RBM24: variants seen among roughly 807,000 people sequenced by gnomAD.
The protein encoded by RBM24 is RNA-binding protein 24.
A neutral mutation model predicts 23.6 loss-of-function variants in RBM24; 5 were observed. The observed-to-expected ratio is 0.21, with a 90% CI of 0.11 to 0.45. The LOEUF (loss-of-function observed/expected upper bound fraction) is 0.45, where lower values mean the gene tolerates loss of function less well. RBM24 is among the 20% of genes least tolerant of loss of function. RBM24 has a pLI of 0.99. For synonymous variants in RBM24, 151 were observed against 129.5 expected (o/e 1.17, Z -1.13); for missense variants, 252 against 314.6 (o/e 0.80, Z 1.51).
intron 1 of RBM24, chr6:17,282,062 G>T: frequency 4.7e-6 from 6 of 1,265,680 alleles, no homozygotes; most frequent in Non-Finnish European, 6.0e-6. Context: ...CCGCAACCCT[G>T]AACAATTGCA....
intron 3 of RBM24, chr6:17,288,067 G>A (rs1760249929): frequency 6.4e-6 from 1 of 157,418 alleles, no homozygotes; most frequent in Non-Finnish European, 1.4e-5. Flanking sequence ...GTTTGTTGAA[G>A]GCATTGTTAA....
In RBM24 at chr6:17,281,799, C is replaced by T. The variant is rs1020122886; in HGVS notation, c.168+50C>T. ...CGGGGAGGGACGGAGTGGCGGCTGA[C>T]CCCGGGGATCGGGAGCTTGGAGTGA... On this transcript the variant is annotated intron_variant, in intron 1 of 3. Transcript: ENST00000379052. The surrounding 1 kb of genome is among the most constrained non-coding windows in gnomAD (Gnocchi z 7.1). The T allele has an allele frequency of 6.5e-7, 1 of 1,537,494 alleles. No individual in the cohort carries two copies. Among genetic ancestry groups the T allele is most frequent in the African/African-American group, 1.4e-5 (1 of 72,088 alleles).
chr6:17,282,068 T>C (rs1480256481), intron 1 of RBM24: 10 of 1,252,986 alleles, frequency 8.0e-6, no homozygotes, highest in Non-Finnish European at 1.0e-5. Flanking sequence ...CCCTGAACAA[T>C]TGCATTCCCG....
rs924518571 is a variant in RBM24, at chr6:17,281,974, G to T, written c.168+225G>T. The T allele has an allele frequency of 9.4e-6, 13 of 1,376,018 alleles. No individual in the cohort carries two copies. Among genetic ancestry groups the T allele is most frequent in the Non-Finnish European group, 1.1e-5 (12 of 1,055,988 alleles). 85.2% of individuals were successfully genotyped at this position (1,376,018 alleles called of 1,614,324 possible). Reference sequence around the variant, plus strand: ...CAGCGCTGTGCGAGGTCGGGGGCCGGGCAGGGCAGAGCAGGGGTGAAAGGA... The same window carrying T: ...CAGCGCTGTGCGAGGTCGGGGGCCGTGCAGGGCAGAGCAGGGGTGAAAGGA... On this transcript the variant is annotated intron_variant, in intron 1 of 3. Coordinates refer to ENST00000379052, the MANE Select transcript of RBM24 (RefSeq NM_001143942.2). This position sits in a 1 kb window ranked among gnomAD's most constrained non-coding sequence, Gnocchi z 7.1.
chr6:17,282,160 C>A, intron 1 of RBM24: 1 of 1,247,390 alleles, frequency 8.0e-7, no homozygotes, highest in Non-Finnish European at 1.0e-6. Flanking sequence ...AGGGAGGGGA[C>A]ACCCCACGAG....
At position 17,281,878 on chromosome 6, in the gene RBM24, C is replaced by T. The variant is rs1297240679; in HGVS notation, c.168+129C>T. ...CGCGGGTAGAGCGGCGCTGCCCCTT[C>T]GCTCCGGGGTGAACTGAAACTTTGC... On this transcript the variant is annotated intron_variant, in intron 1 of 3. Transcript: ENST00000379052. The surrounding 1 kb of genome is among the most constrained non-coding windows in gnomAD (Gnocchi z 7.1). The T allele has an allele frequency of 7.3e-7, 1 of 1,368,170 alleles. No homozygotes were observed. Among genetic ancestry groups the T allele is most frequent in the African/African-American group, 1.5e-5 (1 of 67,464 alleles). 84.8% of individuals were successfully genotyped at this position (1,368,170 alleles called of 1,614,324 possible).
In RBM24 at chr6:17,290,033, C is replaced by T. The variant is rs1380824263; in HGVS notation, c.348-1723C>T. The T allele has an allele frequency of 1.3e-5, 17 of 1,289,346 alleles. 1 individual carries two copies. The East Asian group carries it at 2.8e-4, about 21-fold the overall frequency. 79.9% of individuals were successfully genotyped at this position (1,289,346 alleles called of 1,614,324 possible). ...TGTCCTCAGAAACACTTGATGACGT[C>T]GTTTCTCCTGGCACTGGGAAACATC... On this transcript the variant is annotated intron_variant, in intron 3 of 3. Coordinates refer to ENST00000379052, the MANE Select transcript of RBM24 (RefSeq NM_001143942.2).
Position 17,292,023 on chromosome 6 carries a change from A to C in RBM24, c.615A>C (p.Ala205=), listed in dbSNP as rs1173013115. The C allele has an allele frequency of 1.2e-6, 2 of 1,602,304 alleles. No homozygotes were observed. The highest frequency in any genetic ancestry group is 3.3e-4 in the Middle Eastern group (2 of 6,054). ...TCCAGCAGCCAATCACCGCAGCGGC[A>C]CCTGGGACAGCTGCCGCCGCCGCTG... ...YAVQQPITAA[A]PGTAAAAAAA... Residue 205 remains alanine (A), a synonymous_variant, in exon 4 of 4, where the codon GCA becomes GCC. Coordinates refer to ENST00000379052, the MANE Select transcript of RBM24 (RefSeq NM_001143942.2).
In RBM24 at chr6:17,281,417, C is replaced by G; in HGVS notation, c.-165C>G. On this transcript the variant is annotated 5_prime_UTR_variant, in exon 1 of 4. Transcript: ENST00000379052. This position sits in a 1 kb window ranked among gnomAD's most constrained non-coding sequence, Gnocchi z 7.1. ...CCGCGCGCCCGGCGCTCTCGGCCGCCCCCGGCCGCTCGCCCCCGCCGCGCC... is the reference window on the plus strand; with the variant it reads ...CCGCGCGCCCGGCGCTCTCGGCCGCGCCCGGCCGCTCGCCCCCGCCGCGCC... The G allele has an allele frequency of 3.9e-6, 1 of 257,148 alleles. No individual in the cohort carries two copies. The highest frequency in any genetic ancestry group is 6.0e-6 in the Non-Finnish European group (1 of 165,394). The allele number at this position is 257,148 out of a possible 1,614,324, so 15.9% of individuals were successfully genotyped here.
intron 3 of RBM24, chr6:17,288,329 A>C (rs959789662): frequency 9.1e-6 from 9 of 985,438 alleles, no homozygotes; most frequent in Non-Finnish European, 1.1e-5. Flanking sequence ...ACATCAGGAC[A>C]ATGAGTGGGA....
In RBM24 at chr6:17,292,051, G is replaced by A. The variant is rs2113414362; in HGVS notation, c.643G>A (p.Ala215Thr). Residue 215 changes from alanine (A) to threonine (T), a missense_variant, in exon 4 of 4, where the codon GCA becomes ACA. Ala to Thr is a moderately conservative substitution (Grantham distance 58, BLOSUM62 0). Transcript: ENST00000379052. The stretch of plus-strand genomic sequence containing the variant: ...TGGGACAGCTGCCGCCGCCGCTGCA[G>A]CAGCTGCTGCCGCTGCAGCATTTGG... Reference protein sequence around the residue: ...APGTAAAAAAAAAAAAAFGQY... With the variant: ...APGTAAAAAATAAAAAAFGQY... 17 of 1,594,584 alleles carry A rather than the reference G, an allele frequency of 1.1e-5. No individual in the cohort carries two copies. The highest frequency in any genetic ancestry group is 1.4e-5 in the Non-Finnish European group (17 of 1,175,202).
intron 3 of RBM24, among the ~76,000 whole-genome samples, chr6:17,285,328 C>G (rs1254582977): frequency 1.3e-5 from 2 of 151,976 alleles, no homozygotes; most frequent in Non-Finnish European, 2.9e-5. Flanking sequence ...AAAGTGTTTT[C>G]TTTTCCTCGG....
At chr6:17,288,735 C>G in intron 3 of RBM24, 1 of 976,158 alleles carries the variant, frequency 1.0e-6, no homozygotes, top group Non-Finnish European at 1.2e-6. Flanking sequence ...TGAAGCTTGT[C>G]CAGGAAACAT....
At position 17,292,258 on chromosome 6, in the gene RBM24, ATT is replaced by A; in HGVS notation, c.*146_*147del. On this transcript the variant is annotated 3_prime_UTR_variant, in exon 4 of 4. Transcript: ENST00000379052. ...CATGCTATTGTGAAGCAGAGTTATT[ATT>A]TTTTTTATACTCCAGGTAGTGTTCT... The A allele has an allele frequency of 2.5e-6, 2 of 796,172 alleles. No individual in the cohort carries two copies. The highest frequency in any genetic ancestry group is 1.7e-5 in the African/African-American group (1 of 57,854). 49.3% of individuals were successfully genotyped at this position (796,172 alleles called of 1,614,324 possible). A position where few individuals can be genotyped will look rare whatever the true frequency, so the allele number is the denominator to read the frequency against.
chr6:17,285,153 A>C (rs1415344398), intron 3 of RBM24: 1 of 153,312 alleles, frequency 6.5e-6, no homozygotes, highest in African/African-American at 2.4e-5. Context: ...ACTCAGACAC[A>C]CAAGCTCAGA....
intron 3 of RBM24, among the ~76,000 whole-genome samples, chr6:17,286,650 A>T (rs1760208101): frequency 6.6e-6 from 1 of 152,194 alleles, no homozygotes; most frequent in Admixed American, 6.5e-5. Flanking sequence ...AAATAGATGA[A>T]GTGGAGGAGT....
rs1760017162 is a variant in RBM24 at position 17,281,658 on chromosome 6, G to T, written c.77G>T (p.Ser26Ile). Residue 26 changes from serine to isoleucine, a missense_variant, in exon 1 of 4, where the codon AGC (serine) becomes ATC (isoleucine). Coordinates refer to ENST00000379052, the MANE Select transcript of RBM24 (RefSeq NM_001143942.2). The surrounding 1 kb of genome is among the most constrained non-coding windows in gnomAD (Gnocchi z 7.1). ...CTGCCCTACCACACCACCGACGCCAGCCTGCGCAAGTACTTCGAGGTCTTC... is the reference window on the plus strand; with the variant it reads ...CTGCCCTACCACACCACCGACGCCATCCTGCGCAAGTACTTCGAGGTCTTC... ...GGLPYHTTDA[S>I]LRKYFEVFGE... is the part of the protein sequence containing the mutation. 6.4e-7 allele frequency: 1 copy of T among 1,550,840 alleles called. No homozygotes were observed. Among genetic ancestry groups the T allele is most frequent in the South Asian group, 1.2e-5 (1 of 84,052 alleles).
chr6:17,290,129 A>C, intron 3 of RBM24: 2 of 1,266,536 alleles, frequency 1.6e-6, no homozygotes, highest in Non-Finnish European at 2.1e-6. Flanking sequence ...AGATAAATTC[A>C]TCTTTTCCAT....
chr6:17,282,883 G>A lies in RBM24; in HGVS notation c.247G>A (p.Val83Met). 1.2e-6 allele frequency: 2 copies of A among 1,614,142 alleles called. No individual in the cohort carries two copies. Among genetic ancestry groups the A allele is most frequent in the South Asian group, 1.1e-5 (1 of 91,074 alleles). ...CATCATTGATGGCAGAAAGGCCAACGTGAACCTGGCATACTTAGGAGCAAA... is the reference window on the plus strand; with the variant it reads ...CATCATTGATGGCAGAAAGGCCAACATGAACCTGGCATACTTAGGAGCAAA... ...NPIIDGRKAN[V>M]NLAYLGAKPR... Residue 83 changes from valine (V) to methionine (M), a missense_variant, in exon 2 of 4, where the codon GTG (valine) becomes ATG (methionine). Physicochemically the swap from Val to Met is conservative, Grantham distance 21. Coordinates refer to ENST00000379052, the MANE Select transcript of RBM24 (RefSeq NM_001143942.2).
Sources: allele counts gnomAD v4.1 joint callset (sites outside exome capture counted in the v4.1 genomes callset), GRCh38; gene constraint gnomAD v4.1.1; non-coding constraint Gnocchi (gnomAD v3.1); transcripts MANE v1.5; gene names NCBI Gene and HGNC (gene_info 2026-07-23, HGNC 2026-07-21).